PREX2: variants seen among roughly 807,000 people sequenced by gnomAD.
PREX2 encodes phosphatidylinositol 3,4,5-trisphosphate-dependent Rac exchanger 2 protein.
Under a neutral mutation model 203.2 loss-of-function variants are expected in PREX2, and 107 were observed. The ratio of observed to expected loss-of-function variants is 0.53; its 90% confidence interval spans 0.45 to 0.62. The LOEUF (loss-of-function observed/expected upper bound fraction) is 0.62, where lower values mean the gene tolerates loss of function less well. Ranked by LOEUF, PREX2 falls within the 20% of genes least tolerant of loss-of-function variation. The probability of loss-of-function intolerance (pLI) is 0.00; values close to 1 mark genes in which losing one functional copy is unlikely to be tolerated. For missense variants in PREX2, 1,777 were observed against 1,955.9 expected (o/e 0.91, Z 1.72); for synonymous variants, 672 against 663.6 (o/e 1.01, Z -0.19).
intron 35 of PREX2, among the ~76,000 whole-genome samples, chr8:68,170,704 G>C (rs1811859989): frequency 6.6e-6 from 1 of 152,128 alleles, no homozygotes; most frequent in Admixed American, 6.6e-5. Flanking sequence ...AGGGGATGGG[G>C]CATTTTTATC....
chr8:68,201,783 G>A (rs1044701977), intron 37 of PREX2, among the ~76,000 whole-genome samples: 2 of 152,070 alleles, frequency 1.3e-5, no homozygotes, highest in Non-Finnish European at 2.9e-5. Flanking sequence ...AAGGAAGGAA[G>A]CAGCATTCCT....
chr8:68,180,062 A>G (rs1190422437), intron 35 of PREX2, among the ~76,000 whole-genome samples: 1 of 152,080 alleles, frequency 6.6e-6, no homozygotes, highest in Non-Finnish European at 1.5e-5. Flanking sequence ...TCATTCAATT[A>G]CTATTCATAT....
intron 34 of PREX2, 127 bp from the exon 35 acceptor site, chr8:68,157,194 GT>G (rs924207034): frequency 1.3e-5 from 6 of 469,540 alleles, no homozygotes; most frequent in South Asian, 5.2e-5. Flanking sequence ...ACCTAACATA[GT>G]TTTTTTGCAT....
intron 7 of PREX2, among the ~76,000 whole-genome samples, chr8:68,040,349 C>T (rs1321680219): frequency 6.6e-6 from 1 of 152,078 alleles, no homozygotes. Context: ...AATTCACACT[C>T]CTTACCCTAG....
intron 18 of PREX2, 89 bp from the exon 19 acceptor site, chr8:68,087,635 T>C (rs372994286): frequency 1.1e-6 from 1 of 935,500 alleles, no homozygotes; most frequent in East Asian, 2.4e-5. Context: ...AATATGTATT[T>C]ATTGAGAGGT....
rs561312032 is a variant in PREX2 at position 68,118,719 on chromosome 8, G to A, written c.3421+75G>A. 93 of 1,045,148 alleles carry A rather than the reference G, an allele frequency of 8.9e-5. 1 individual carries two copies. In the South Asian group the frequency reaches 9.8e-4, roughly 11 times the overall value. The allele number at this position is 1,045,148 out of a possible 1,614,324, so 64.7% of individuals were successfully genotyped here. ...GAGATAACTTTAAGGTTTTAATTTCGTAGATCCATATGAATTTTTATTTTT... is the reference window on the plus strand; with the variant it reads ...GAGATAACTTTAAGGTTTTAATTTCATAGATCCATATGAATTTTTATTTTT... On this transcript the variant is annotated intron_variant, in intron 27 of 39. Coordinates refer to ENST00000288368, the MANE Select transcript of PREX2 (RefSeq NM_024870.4).
At chr8:68,196,991 A>G (rs1812410255) in intron 37 of PREX2, among the ~76,000 whole-genome samples, 2 of 152,106 alleles carry the variant, frequency 1.3e-5, no homozygotes, top group South Asian at 4.1e-4. Context: ...ATAGTTCTGG[A>G]GATAGGGAAG....
intron 23 of PREX2, among the ~76,000 whole-genome samples, chr8:68,102,431 A>G (rs1490093868): frequency 6.6e-6 from 1 of 152,250 alleles, no homozygotes; most frequent in African/African-American, 2.4e-5. Flanking sequence ...AAGCAAGGTT[A>G]GCAAGAAAAC....
At chr8:68,073,379 C>T (rs1809254255) in intron 14 of PREX2, among the ~76,000 whole-genome samples, 1 of 151,840 alleles carries the variant, frequency 6.6e-6, no homozygotes, top group Admixed American at 6.6e-5. Flanking sequence ...TCATACACAC[C>T]TTTACTTTTT....
intron 30 of PREX2, 111 bp downstream of exon 30, chr8:68,121,160 G>A (rs931280489): frequency 4.4e-6 from 5 of 1,145,900 alleles, no homozygotes; most frequent in South Asian, 2.7e-5. Flanking sequence ...GTTTCCTTTT[G>A]TGAAGAAAAT....
Position 68,030,518 on chromosome 8 carries a change from C to T in PREX2, c.565C>T (p.Arg189Trp), listed in dbSNP as rs770289181. The T allele has an allele frequency of 6.2e-6, 10 of 1,612,800 alleles. No individual in the cohort carries two copies. The highest frequency in any genetic ancestry group is 2.2e-5 in the East Asian group (1 of 44,842). ...ACAGGAGTTGCTGAAGCGGACTCCA[C>T]GGAAACACAGTGACTATGCAGCAGT... ...ILKELLKRTP[R>W]KHSDYAAVME... Residue 189 changes from arginine (R) to tryptophan (W), a missense_variant, in exon 6 of 40, where the codon CGG (arginine) becomes TGG (tryptophan). Coordinates refer to ENST00000288368, the MANE Select transcript of PREX2 (RefSeq NM_024870.4).
intron 1 of PREX2, among the ~76,000 whole-genome samples, chr8:67,975,165 C>T (rs1806038390): frequency 6.6e-6 from 1 of 151,356 alleles, no homozygotes; most frequent in African/African-American, 2.4e-5. Flanking sequence ...TCACCCTGAC[C>T]TACTGAAAAC....
chr8:67,960,241 C>T (rs1017617382), intron 1 of PREX2, among the ~76,000 whole-genome samples: 1 of 152,034 alleles, frequency 6.6e-6, no homozygotes, highest in South Asian at 2.1e-4. Context: ...GGGGTTTCAC[C>T]GTGTTGTCCA....
chr8:68,056,157 C>T (rs1808672980), intron 10 of PREX2, among the ~76,000 whole-genome samples, 183 bp downstream of exon 10: 2 of 152,074 alleles, frequency 1.3e-5, no homozygotes, highest in Admixed American at 1.3e-4. Context: ...GGATCATGAC[C>T]AGGAAACTTA....
chr8:68,112,079 T>C (rs927118647), intron 25 of PREX2, among the ~76,000 whole-genome samples: 3 of 152,202 alleles, frequency 2.0e-5, no homozygotes, highest in African/African-American at 7.2e-5. Context: ...AAATTTCCTT[T>C]AACACATAGG....
chr8:68,155,337 T>C (rs563906888), intron 34 of PREX2, among the ~76,000 whole-genome samples: 119 of 152,312 alleles, frequency 7.8e-4, no homozygotes, highest in African/African-American at 2.8e-3. Context: ...AAATGTAGTA[T>C]GTTTTCTCCC....
rs773120226 is a variant in PREX2, at chr8:68,044,568, G to A, written c.921G>A (p.Val307=). 5.6e-6 allele frequency: 9 copies of A among 1,612,442 alleles called. No individual in the cohort carries two copies. Among genetic ancestry groups the A allele is most frequent in the Middle Eastern group, 3.3e-4 (2 of 6,070 alleles). The change falls in exon 8 of 40, where the codon GTG becomes GTA. Residue 307 remains valine (V), a synonymous_variant. Transcript: ENST00000288368. ...GGATCAACACGGAGGTGATGGAAGTGGAGAATGTGGATGATGGCACCGGTA... is the reference window on the plus strand; with the variant it reads ...GGATCAACACGGAGGTGATGGAAGTAGAGAATGTGGATGATGGCACCGGTA... ...RGRINTEVME[V]ENVDDGTADF...
chr8:67,960,032 C>T (rs1805590672), intron 1 of PREX2, among the ~76,000 whole-genome samples: 1 of 142,974 alleles, frequency 7.0e-6, no homozygotes, highest in Admixed American at 7.4e-5. Flanking sequence ...CTTTTCTTTT[C>T]TTTTTAATTA....
At chr8:68,224,454 T>G in intron 38 of PREX2, 105 bp from the exon 39 acceptor site, 3 of 842,018 alleles carry the variant, frequency 3.6e-6, no homozygotes, top group Non-Finnish European at 4.0e-6. Flanking sequence ...TCTCCCTTGA[T>G]GTTAAAGACA....
Sources: gnomAD v4.1 joint callset for allele counts (sites outside exome capture counted in the v4.1 genomes callset) on GRCh38, gnomAD v4.1.1 for gene constraint, MANE v1.5 for transcripts, NCBI Gene and HGNC (gene_info 2026-07-23, HGNC 2026-07-21) for gene names.